The following ABI2 variants were observed in gnomAD, a reference collection of about 807,000 sequenced individuals.
ABI2 encodes abl interactor 2, also known as abelson interactor 2.
Under a neutral mutation model 59.2 loss-of-function variants are expected in ABI2, and 25 were observed. That is an observed-to-expected ratio of 0.42 (90% CI 0.31 to 0.59). The LOEUF (loss-of-function observed/expected upper bound fraction) is 0.59. Among genes scored for constraint, ABI2 ranks in the 20% least tolerant of loss-of-function variants. ABI2 has a pLI of 0.14. For missense variants in ABI2, 545 were observed against 681.8 expected (o/e 0.80, Z 2.23); for synonymous variants, 213 against 235.5 (o/e 0.90, Z 0.87).
intron 1 of ABI2, among the ~76,000 whole-genome samples, chr2:203,336,512 G>C (rs1057079999): frequency 6.6e-6 from 1 of 152,162 alleles, no homozygotes; most frequent in Non-Finnish European, 1.5e-5. Context: ...GGCTGTACGT[G>C]ATAACAGTGC....
chr2:203,392,991 T>C (rs934032728), intron 5 of ABI2, among the ~76,000 whole-genome samples: 18 of 152,050 alleles, frequency 1.2e-4, no homozygotes, highest in African/African-American at 4.1e-4. Context: ...AAAAATCTTA[T>C]TTGTGTCATT....
chr2:203,415,662 TA>T, intron 10 of ABI2, among the ~76,000 whole-genome samples: 1 of 147,194 alleles, frequency 6.8e-6, no homozygotes, highest in East Asian at 2.0e-4. Flanking sequence ...ATTCAATTCG[TA>T]GGCTTAGATT....
chr2:203,413,576 T>C (rs966294619), intron 10 of ABI2, among the ~76,000 whole-genome samples: 22 of 152,176 alleles, frequency 1.4e-4, no homozygotes, highest in Admixed American at 1.2e-3. Flanking sequence ...TACAATCATA[T>C]ACGTTTCTCA....
chr2:203,398,313 A>G (rs72940158), intron 8 of ABI2, among the ~76,000 whole-genome samples: 5,706 of 152,272 alleles, frequency 0.037, 171 homozygotes, highest in Non-Finnish European at 0.05. Context: ...TGCTTTGATA[A>G]AGAATGCATC....
At chr2:203,357,533 C>G (rs2092448744) in intron 1 of ABI2, among the ~76,000 whole-genome samples, 1 of 152,190 alleles carries the variant, frequency 6.6e-6, no homozygotes, top group Non-Finnish European at 1.5e-5. Context: ...TTCTAAAGTG[C>G]TCCTCTGACA....
chr2:203,356,971 T>C (rs1260899956), intron 1 of ABI2, among the ~76,000 whole-genome samples: 2 of 152,260 alleles, frequency 1.3e-5, no homozygotes, highest in East Asian at 3.9e-4. Context: ...ATTGGGAATG[T>C]TAAAGGCAAA....
chr2:203,421,901 T>C (rs1170198978), intron 11 of ABI2, among the ~76,000 whole-genome samples: 1 of 148,896 alleles, frequency 6.7e-6, no homozygotes, highest in Admixed American at 6.7e-5. Flanking sequence ...GAGGTGGAGC[T>C]TGCAGTGAGC....
intron 1 of ABI2, among the ~76,000 whole-genome samples, chr2:203,358,856 C>T (rs2092865632): frequency 6.6e-6 from 1 of 152,070 alleles, no homozygotes; most frequent in East Asian, 1.9e-4. Context: ...CTAAAACAAA[C>T]CACAAATTAG....
chr2:203,362,143 C>T (rs2093603148), intron 1 of ABI2, among the ~76,000 whole-genome samples: 1 of 152,138 alleles, frequency 6.6e-6, no homozygotes, highest in African/African-American at 2.4e-5. Flanking sequence ...GGCAGTAGCT[C>T]AGCTAGTTCA....
chr2:203,374,038 A>T (rs1406413446), intron 2 of ABI2, among the ~76,000 whole-genome samples: 1 of 152,106 alleles, frequency 6.6e-6, no homozygotes, highest in Non-Finnish European at 1.5e-5. Flanking sequence ...GCACACTTGT[A>T]GTCCCAGCTA....
intron 10 of ABI2, among the ~76,000 whole-genome samples, chr2:203,414,217 T>C (rs2097793607): frequency 6.6e-6 from 1 of 150,570 alleles, no homozygotes; most frequent in African/African-American, 2.4e-5. Flanking sequence ...TTCTCATGCC[T>C]CAGCCTCGTG....
At chr2:203,396,748 C>G (rs1321135761) in intron 7 of ABI2, 37 bp from the exon 8 acceptor site, 13 of 1,479,258 alleles carry the variant, frequency 8.8e-6, no homozygotes, top group Non-Finnish European at 1.8e-6. Context: ...ATGTGATTGC[C>G]TCATTAATGC....
chr2:203,331,367 T>TTTTTTTTTTTTTTTTG (rs1198154445), intron 1 of ABI2, among the ~76,000 whole-genome samples: 1 of 146,290 alleles, frequency 6.8e-6, no homozygotes, highest in African/African-American at 2.5e-5. Context: ...TTTTTTTTTT[T>TTTTTTTTTTTTTTTTG]TCTGAGACAG....
intron 5 of ABI2, among the ~76,000 whole-genome samples, chr2:203,392,511 G>A (rs2096799653): frequency 6.6e-6 from 1 of 152,144 alleles, no homozygotes; most frequent in African/African-American, 2.4e-5. Flanking sequence ...GACTTTATTA[G>A]GAGTGGACAA....
intron 1 of ABI2, among the ~76,000 whole-genome samples, chr2:203,356,830 A>G (rs1051792029): frequency 6.8e-5 from 9 of 133,020 alleles, no homozygotes; most frequent in African/African-American, 2.4e-4. Flanking sequence ...TATTTCTGAA[A>G]GTTTTTGGTT....
intron 1 of ABI2, among the ~76,000 whole-genome samples, chr2:203,335,198 A>G (rs1185913687): frequency 6.6e-6 from 1 of 152,202 alleles, no homozygotes; most frequent in Non-Finnish European, 1.5e-5. Flanking sequence ...TGCTGAATGT[A>G]AGAAATACAG....
At chr2:203,345,595 G>A (rs2082879215) in intron 1 of ABI2, among the ~76,000 whole-genome samples, 1 of 152,050 alleles carries the variant, frequency 6.6e-6, no homozygotes, top group African/African-American at 2.4e-5. Context: ...TTTTAGTAGA[G>A]ATGGGGTTTC....
At chr2:203,380,476 C>A in intron 3 of ABI2, 92 bp downstream of exon 3, 1 of 807,732 alleles carries the variant, frequency 1.2e-6, no homozygotes, top group East Asian at 3.0e-5. Context: ...TCTTTCTTTC[C>A]TAGAGGACAA....
At chr2:203,349,930 A>C (rs1490315215) in intron 1 of ABI2, among the ~76,000 whole-genome samples, 1 of 152,128 alleles carries the variant, frequency 6.6e-6, no homozygotes, top group African/African-American at 2.4e-5. Context: ...GAATTGCTGG[A>C]TCATATGGTA....
Sources: allele counts gnomAD v4.1 joint callset (sites outside exome capture counted in the v4.1 genomes callset), GRCh38; gene constraint gnomAD v4.1.1; transcripts MANE v1.5; gene names NCBI Gene and HGNC (gene_info 2026-07-23, HGNC 2026-07-21).